ETNK1: variants seen among roughly 807,000 people sequenced by gnomAD.
The protein encoded by ETNK1 is ethanolamine kinase 1, also known as putative protein product of Nbla10396.
Under a neutral mutation model 45.1 loss-of-function variants are expected in ETNK1, and 8 were observed. The observed-to-expected ratio is 0.18, with a 90% CI of 0.10 to 0.32. The LOEUF is 0.32. Among genes scored for constraint, ETNK1 ranks in the 10% least tolerant of loss-of-function variants. The probability of loss-of-function intolerance (pLI) is 1.00; values close to 1 mark genes in which losing one functional copy is unlikely to be tolerated. For missense variants in ETNK1, 302 were observed against 430.6 expected (o/e 0.70, Z 2.64); for synonymous variants, 152 against 151.9 (o/e 1.00, Z -0.01).
intron 6 of ETNK1, among the ~76,000 whole-genome samples, chr12:22,677,753 T>G (rs540118818): frequency 1.2e-4 from 18 of 152,350 alleles, no homozygotes; most frequent in African/African-American, 4.1e-4. Context: ...TCCTGGGCAT[T>G]TAATTCTCTT....
At chr12:22,629,313 C>CT (rs1437808946) in intron 1 of ETNK1, among the ~76,000 whole-genome samples, 1 of 152,074 alleles carries the variant, frequency 6.6e-6, no homozygotes, top group Non-Finnish European at 1.5e-5. Context: ...ATGTACTGTT[C>CT]TTTCTGCTTT....
In ETNK1 at chr12:22,643,933, C is replaced by A; in HGVS notation, c.327C>A (p.Leu109=). 1 of 1,613,434 alleles carries A rather than the reference C, an allele frequency of 6.2e-7. No homozygotes were observed. The highest frequency in any genetic ancestry group is 1.1e-5 in the South Asian group (1 of 91,058). The change falls in exon 2 of 8, where the codon CTC becomes CTA. Residue 109 remains leucine (L), a synonymous_variant. Coordinates refer to ENST00000266517, the MANE Select transcript of ETNK1 (RefSeq NM_018638.5). ...AGGCTCATGGGTGTGCACCACAACT[C>A]TACTGTACCTTCAATAATGGACTAT... is the stretch of plus-strand genomic sequence containing the variant. ...VLQAHGCAPQ[L]YCTFNNGLCY...
rs1240641475 is a variant in ETNK1 at position 22,687,096 on chromosome 12, G to T, written c.*2142G>T. On this transcript the variant is annotated 3_prime_UTR_variant, in exon 8 of 8. Coordinates refer to ENST00000266517, the MANE Select transcript of ETNK1 (RefSeq NM_018638.5). ...GAAGTGAATGTAACCAGGAATAAAG[G>T]CTCTCACTTTAGCTCTGGGACTATG... is the stretch of plus-strand genomic sequence containing the variant. 2 of 151,508 alleles carry T rather than the reference G, an allele frequency of 1.3e-5. No homozygotes were observed. The highest frequency in any genetic ancestry group is 2.4e-5 in the African/African-American group (1 of 41,324). The allele number at this position is 151,508 out of a possible 1,614,324, so 9.4% of individuals were successfully genotyped here. A position where few individuals can be genotyped will look rare whatever the true frequency, so the allele number is the denominator to read the frequency against.
chr12:22,661,301 G>GCTCTTACTCCTTGCATTT, intron 4 of ETNK1, 96 bp downstream of exon 4: 2 of 1,034,648 alleles, frequency 1.9e-6, no homozygotes, highest in Non-Finnish European at 2.7e-6. Context: ...TCAAATGCAA[G>GCTCTTACTCCTTGCATTT]GAGTAAGAGC....
At chr12:22,631,214 G>A (rs1953575795) in intron 1 of ETNK1, among the ~76,000 whole-genome samples, 1 of 148,390 alleles carries the variant, frequency 6.7e-6, no homozygotes, top group Non-Finnish European at 1.5e-5. Context: ...CGCTCTTGTT[G>A]CCCAGGCTGG....
At chr12:22,656,289 G>A (rs12229952) in intron 2 of ETNK1, 6 of 401,640 alleles carry the variant, frequency 1.5e-5, no homozygotes, top group Non-Finnish European at 2.0e-5. Context: ...CCATATTGCA[G>A]CATGATTCTC....
intron 4 of ETNK1, among the ~76,000 whole-genome samples, chr12:22,662,109 C>T (rs1376823208): frequency 6.9e-6 from 1 of 144,322 alleles, no homozygotes; most frequent in African/African-American, 2.6e-5. Flanking sequence ...CTCTTGTCAC[C>T]CAGGCTGGAG....
chr12:22,627,729 G>A (rs766424872), intron 1 of ETNK1, among the ~76,000 whole-genome samples: 18 of 151,938 alleles, frequency 1.2e-4, no homozygotes, highest in Non-Finnish European at 2.1e-4. Context: ...TAGAGCAGTC[G>A]AGTATCAGTA....
At chr12:22,678,940 T>C (rs988840978) in intron 6 of ETNK1, among the ~76,000 whole-genome samples, 1 of 152,248 alleles carries the variant, frequency 6.6e-6, no homozygotes, top group Non-Finnish European at 1.5e-5. Context: ...TTAAGGTCAG[T>C]TACTCACATG....
intron 2 of ETNK1, among the ~76,000 whole-genome samples, chr12:22,653,689 G>T (rs1009908314): frequency 6.6e-6 from 1 of 151,946 alleles, no homozygotes; most frequent in Non-Finnish European, 1.5e-5. Context: ...TGATTTTTGC[G>T]TATTGATTTT....
rs150714252 is a variant in ETNK1, at chr12:22,625,251, C to G, written c.-180C>G. 1.2e-6 allele frequency: 2 copies of G among 1,611,760 alleles called. No individual in the cohort carries two copies. Among genetic ancestry groups the G allele is most frequent in the African/African-American group, 1.3e-5 (1 of 75,030 alleles). On this transcript the variant is annotated 5_prime_UTR_variant, in exon 1 of 8. Transcript: ENST00000266517. ...GCTCAGTTCAGCTGCTGTCCAGACC[C>G]GGATCGGCAACAGTGCCGCCTCCAG...
intron 2 of ETNK1, among the ~76,000 whole-genome samples, chr12:22,658,079 C>T (rs1338420765): frequency 1.3e-5 from 2 of 152,082 alleles, no homozygotes; most frequent in East Asian, 1.9e-4. Flanking sequence ...TTCGTTAGTA[C>T]CTAAGCCTGT....
intron 4 of ETNK1, among the ~76,000 whole-genome samples, chr12:22,665,883 ATTCAGTTTAAGTGCAACT>A (rs1161133965): frequency 6.6e-6 from 1 of 152,138 alleles, no homozygotes; most frequent in Admixed American, 6.5e-5. Flanking sequence ...TGATGTGACA[ATTCAGTTTAAGTGCAACT>A]TTCAGTTTCT....
At position 22,687,313 on chromosome 12, in the gene ETNK1, G is replaced by A. The variant is rs1486359993; in HGVS notation, c.*2359G>A. ...TCTAAAGGAGGGTAAATCTCAAAGTGCTCTGAAATCATCCCTCTAAAATCT... is the reference window on the plus strand; with the variant it reads ...TCTAAAGGAGGGTAAATCTCAAAGTACTCTGAAATCATCCCTCTAAAATCT... On this transcript the variant is annotated 3_prime_UTR_variant, in exon 8 of 8. Transcript: ENST00000266517. 6.6e-6 allele frequency: 1 copy of A among 152,146 alleles called. No individual in the cohort carries two copies. Among genetic ancestry groups the A allele is most frequent in the Non-Finnish European group, 1.5e-5 (1 of 67,744 alleles). The allele number at this position is 152,146 out of a possible 1,614,324, so 9.4% of individuals were successfully genotyped here. A position where few individuals can be genotyped will look rare whatever the true frequency, so the allele number is the denominator to read the frequency against.
chr12:22,625,305 C>G lies in ETNK1; in HGVS notation c.-126C>G. 6.2e-7 allele frequency: 1 copy of G among 1,604,632 alleles called. No individual in the cohort carries two copies. Among genetic ancestry groups the G allele is most frequent in the Non-Finnish European group, 8.5e-7 (1 of 1,176,612 alleles). ...TTCTCCTGCCGCTCGCCCGCCCGTC[C>G]CAGCGCCCCCAGCCCTCCCGCGAGG... On this transcript the variant is annotated 5_prime_UTR_variant, in exon 1 of 8. Coordinates refer to ENST00000266517, the MANE Select transcript of ETNK1 (RefSeq NM_018638.5).
intron 4 of ETNK1, among the ~76,000 whole-genome samples, chr12:22,665,401 T>C (rs1333372067): frequency 6.6e-6 from 1 of 152,218 alleles, no homozygotes; most frequent in Admixed American, 6.5e-5. Context: ...GCTTTATTTG[T>C]AACTTAGAGA....
intron 2 of ETNK1, among the ~76,000 whole-genome samples, chr12:22,653,592 T>G (rs1430585456): frequency 6.6e-6 from 1 of 152,174 alleles, no homozygotes; most frequent in African/African-American, 2.4e-5. Flanking sequence ...TATTCCTGAG[T>G]ATTTATTTCT....
At chr12:22,630,530 G>T (rs542314435) in intron 1 of ETNK1, among the ~76,000 whole-genome samples, 11 of 152,304 alleles carry the variant, frequency 7.2e-5, no homozygotes, top group African/African-American at 2.6e-4. Flanking sequence ...CAAAGGCAAT[G>T]AAGCTAGACT....
At chr12:22,675,932 T>C (rs1954156620) in intron 6 of ETNK1, among the ~76,000 whole-genome samples, 1 of 152,218 alleles carries the variant, frequency 6.6e-6, no homozygotes, top group Non-Finnish European at 1.5e-5. Flanking sequence ...GTAAGTGTTA[T>C]ACTCTGAGAT....
Sources: allele counts gnomAD v4.1 joint callset (sites outside exome capture counted in the v4.1 genomes callset), GRCh38; gene constraint gnomAD v4.1.1; transcripts MANE v1.5; gene names NCBI Gene and HGNC (gene_info 2026-07-23, HGNC 2026-07-21).